The following SLC9C2 variants were observed in gnomAD, a reference collection of about 807,000 sequenced individuals.
SLC9C2 encodes sodium/hydrogen exchanger 11.
In SLC9C2, 75 loss-of-function variants were observed where a neutral mutation model predicts 140.2. That is an observed-to-expected ratio of 0.53 (90% confidence interval 0.44 to 0.65). The LOEUF (loss-of-function observed/expected upper bound fraction) is 0.65. Among genes scored for constraint, SLC9C2 ranks in the 30% least tolerant of loss-of-function variants. The pLI, the probability that SLC9C2 is intolerant of heterozygous loss-of-function variation, is 0.00. For synonymous variants in SLC9C2, 375 were observed against 420.9 expected (o/e 0.89, Z 1.34); for missense variants, 1,074 against 1,331.8 (o/e 0.81, Z 3.01).
chr1:173,545,719 C>T (rs1455707467), intron 13 of SLC9C2, among the ~76,000 whole-genome samples: 7 of 152,132 alleles, frequency 4.6e-5, no homozygotes, highest in Non-Finnish European at 8.8e-5. Flanking sequence ...GTCTGTTTTA[C>T]ATGTCGGAGG....
rs746733038 is a variant in SLC9C2 at position 173,574,505 on chromosome 1, C to CTTTTT, written c.903-1185_903-1181dup. Among the ~76,000 whole-genome samples the CTTTTT allele has an allele frequency of 1.0e-4, 11 of 104,822 alleles. 1 individual carries two copies. Among genetic ancestry groups the CTTTTT allele is most frequent in the African/African-American group, 4.2e-4 (10 of 24,070 alleles). The allele number at this position is 104,822 out of a possible 152,430, so 68.8% of individuals were successfully genotyped here. On this transcript the variant is annotated intron_variant, in intron 8 of 27. Coordinates refer to ENST00000367714, the MANE Select transcript of SLC9C2 (RefSeq NM_178527.4). ...ATGGAATAACTGACTGAGTTAAGTACTTTTTTTTTTTTTTTTTTTTTTGAG... is the reference window on the plus strand; with the variant it reads ...ATGGAATAACTGACTGAGTTAAGTACTTTTTTTTTTTTTTTTTTTTTTTTTTTGAG...
At chr1:173,536,850 A>T in intron 14 of SLC9C2, 92 bp downstream of exon 14, 1 of 888,598 alleles carries the variant, frequency 1.1e-6, no homozygotes, top group Non-Finnish European at 1.8e-6. Flanking sequence ...TAATAGATTG[A>T]TCAATCAGGA....
At chr1:173,593,402 C>A (rs984116956) in intron 4 of SLC9C2, among the ~76,000 whole-genome samples, 4 of 152,096 alleles carry the variant, frequency 2.6e-5, no homozygotes, top group African/African-American at 9.7e-5. Context: ...CTCCTGTAAT[C>A]CCAGCTACTA....
chr1:173,521,268 TAAAAA>T (rs5778771), intron 22 of SLC9C2, 28 bp downstream of exon 22: 151 of 972,614 alleles, frequency 1.6e-4, no homozygotes, highest in African/African-American at 5.0e-4. Context: ...ACATTTTAAG[TAAAAA>T]AAAAAAAAAA....
Position 173,505,340 on chromosome 1 carries a change from G to GA in SLC9C2, c.3226-10dup. On this transcript the variant is annotated splice_polypyrimidine_tract_variant and intron_variant, in intron 25 of 27. Transcript: ENST00000367714. ...TCAGAAGTTCCCTGAACCTAGAGGAGAAAAGTCAAAATTAGTCAAAAGAGC... is the reference window on the plus strand; with the variant it reads ...TCAGAAGTTCCCTGAACCTAGAGGAGAAAAAGTCAAAATTAGTCAAAAGAGC... The GA allele has an allele frequency of 6.2e-7, 1 of 1,611,056 alleles. No homozygotes were observed. Among genetic ancestry groups the GA allele is most frequent in the Non-Finnish European group, 8.5e-7 (1 of 1,177,416 alleles).
At chr1:173,511,754 AG>A (rs1170900906) in intron 23 of SLC9C2, among the ~76,000 whole-genome samples, 40 of 152,278 alleles carry the variant, frequency 2.6e-4, no homozygotes, top group African/African-American at 9.6e-4. Flanking sequence ...GGTATTGCCT[AG>A]GTTTTCTTCT....
intron 22 of SLC9C2, among the ~76,000 whole-genome samples, chr1:173,519,800 G>A (rs920665872): frequency 2.6e-5 from 4 of 152,120 alleles, no homozygotes; most frequent in African/African-American, 7.2e-5. Flanking sequence ...CTGAGTATGT[G>A]TAGTTGGGGC....
At position 173,509,694 on chromosome 1, in the gene SLC9C2, G is replaced by C. The variant is rs375001499; in HGVS notation, c.2913C>G (p.Cys971Trp). Residue 971 changes from cysteine to tryptophan, a missense_variant, in exon 24 of 28, where the codon TGC (cysteine) becomes TGG (tryptophan). Cys to Trp is a radical substitution (Grantham distance 215, BLOSUM62 -2). Transcript: ENST00000367714. The stretch of plus-strand genomic sequence containing the variant: ...CATATAAATCCTCCAGGGAGATAAA[G>C]CAGGCCTGAAACAAAAAGGAACCAG... ...TVICETSLQA[C>W]FISLEDLYEG... 1 of 1,586,712 alleles carries C rather than the reference G, an allele frequency of 6.3e-7. No homozygotes were observed. The highest frequency in any genetic ancestry group is 1.4e-5 in the African/African-American group (1 of 72,658).
intron 13 of SLC9C2, among the ~76,000 whole-genome samples, chr1:173,540,755 C>T (rs565469175): frequency 8.1e-4 from 123 of 152,284 alleles, no homozygotes; most frequent in African/African-American, 2.9e-3. Flanking sequence ...AAGACAGAGA[C>T]AGGGATAAAC....
At chr1:173,557,222 A>C in intron 10 of SLC9C2, 118 bp downstream of exon 10, 2 of 930,132 alleles carry the variant, frequency 2.2e-6, no homozygotes, top group Non-Finnish European at 3.3e-6. Context: ...TACTTAAAAG[A>C]ATGCATTTTA....
At chr1:173,550,434 T>TTATG (rs1272234497) in intron 11 of SLC9C2, among the ~76,000 whole-genome samples, 2 of 122,884 alleles carry the variant, frequency 1.6e-5, no homozygotes, top group African/African-American at 7.9e-5. Flanking sequence ...ATTTATTTAT[T>TTATG]TATTTATTTA....
intron 3 of SLC9C2, among the ~76,000 whole-genome samples, chr1:173,598,335 A>C (rs1427633195): frequency 2.0e-5 from 3 of 152,208 alleles, no homozygotes; most frequent in Admixed American, 2.0e-4. Flanking sequence ...ATATCAGAAA[A>C]TATTTTTGGT....
intron 24 of SLC9C2, among the ~76,000 whole-genome samples, chr1:173,508,557 C>T (rs534221406): frequency 1.3e-5 from 2 of 152,156 alleles, no homozygotes; most frequent in South Asian, 4.1e-4. Context: ...GAATTCCAAT[C>T]CCCTTATCCC....
At chr1:173,533,330 A>G (rs950349699) in intron 17 of SLC9C2, among the ~76,000 whole-genome samples, 11 of 152,162 alleles carry the variant, frequency 7.2e-5, no homozygotes, top group South Asian at 2.1e-4. Context: ...GTCTGACTGG[A>G]GTGCAATGGC....
chr1:173,577,670 A>C (rs1469292739), intron 7 of SLC9C2, among the ~76,000 whole-genome samples: 3 of 152,184 alleles, frequency 2.0e-5, no homozygotes, highest in Non-Finnish European at 4.4e-5. Context: ...TAAAATAGTT[A>C]TGACTCATAC....
chr1:173,539,159 C>G lies in SLC9C2; in HGVS notation c.1558-2120G>C, dbSNP rs567584660. Reference sequence around the variant, plus strand: ...TTTTCATGCAGTTTCTATTAGCATCCCATGGAACAAGTGTTCTTTGAAACT... The same window carrying G: ...TTTTCATGCAGTTTCTATTAGCATCGCATGGAACAAGTGTTCTTTGAAACT... On this transcript the variant is annotated intron_variant, in intron 13 of 27. Transcript: ENST00000367714. 2.0e-5 allele frequency among the ~76,000 whole-genome samples: 3 copies of G among 152,202 alleles called. No individual in the cohort carries two copies. The South Asian group carries it at 6.2e-4, about 32-fold the overall frequency.
At chr1:173,506,394 G>A (rs1659641345) in intron 25 of SLC9C2, among the ~76,000 whole-genome samples, 1 of 152,218 alleles carries the variant, frequency 6.6e-6, no homozygotes, top group African/African-American at 2.4e-5. Flanking sequence ...CTTTACAGAG[G>A]TATGGAATGC....
chr1:173,598,315 A>G (rs1022521337), intron 3 of SLC9C2, among the ~76,000 whole-genome samples: 8 of 152,194 alleles, frequency 5.3e-5, no homozygotes, highest in Non-Finnish European at 1.2e-4. Context: ...TGATATCCCT[A>G]CTATTGGTGA....
rs1409656387 is a variant in SLC9C2 at position 173,573,399 on chromosome 1, ATATATCT to A, written c.903-81_903-75del. 2.6e-5 allele frequency: 27 copies of A among 1,053,920 alleles called. No homozygotes were observed. The African/African-American group carries it at 3.6e-4, about 14-fold the overall frequency. 65.3% of individuals were successfully genotyped at this position (1,053,920 alleles called of 1,614,324 possible). On this transcript the variant is annotated intron_variant, in intron 8 of 27. Coordinates refer to ENST00000367714, the MANE Select transcript of SLC9C2 (RefSeq NM_178527.4). The stretch of plus-strand genomic sequence containing the variant: ...TATATTTTCCTTTTCATATAAAATC[ATATATCT>A]TATATCTACCATGCTGTCTTAGCAG...
Sources: gnomAD v4.1 joint callset for allele counts (sites outside exome capture counted in the v4.1 genomes callset) on GRCh38, gnomAD v4.1.1 for gene constraint, MANE v1.5 for transcripts, NCBI Gene and HGNC (gene_info 2026-07-23, HGNC 2026-07-21) for gene names.